KAZN: variants seen among roughly 807,000 people sequenced by gnomAD.
KAZN encodes the protein kazrin.
KAZN carries 40 observed loss-of-function variants against 87.4 expected under a neutral mutation model. That is an observed-to-expected ratio of 0.46 (90% confidence interval 0.36 to 0.60). The LOEUF (loss-of-function observed/expected upper bound fraction) is 0.60, where lower values mean the gene tolerates loss of function less well. KAZN is among the 20% of genes least tolerant of loss of function. The probability of loss-of-function intolerance (pLI) is 0.00; values close to 1 mark genes in which losing one functional copy is unlikely to be tolerated. For missense variants in KAZN, 898 were observed against 1,073.9 expected, an observed-to-expected ratio of 0.84 and a Z score of 2.29; for synonymous variants, 466 against 458.3, an observed-to-expected ratio of 1.02 and a Z score of -0.22.
chr1:14,652,369 T>C (rs2148696717), intron 1 of KAZN, among the ~76,000 whole-genome samples: 1 of 150,450 alleles, frequency 6.6e-6, no homozygotes, highest in Non-Finnish European at 1.5e-5. Flanking sequence ...CAGCTTGGAA[T>C]TTTTTCTACC....
At chr1:14,928,235 G>A (rs1238322177) in intron 1 of KAZN, among the ~76,000 whole-genome samples, 1 of 152,066 alleles carries the variant, frequency 6.6e-6, no homozygotes, top group East Asian at 1.9e-4. Context: ...CGGATCACGA[G>A]GTCAGGAGAT....
intron 1 of KAZN, among the ~76,000 whole-genome samples, chr1:14,728,993 G>A (rs930430980): frequency 1.3e-5 from 2 of 152,170 alleles, no homozygotes; most frequent in East Asian, 1.9e-4. Flanking sequence ...CTTAGGTGAC[G>A]ATTGGGAAGC....
chr1:14,585,827 A>G (rs1488350597), intron 2 of KAZN, among the ~76,000 whole-genome samples: 1 of 152,210 alleles, frequency 6.6e-6, no homozygotes, highest in Admixed American at 6.5e-5. Flanking sequence ...GATGTCAGCT[A>G]AAGTGTCACA....
intron 1 of KAZN, among the ~76,000 whole-genome samples, chr1:14,637,804 A>G (rs1191147339): frequency 6.6e-6 from 1 of 152,192 alleles, no homozygotes; most frequent in Non-Finnish European, 1.5e-5. Context: ...TTATCATTTT[A>G]TCAGTTTCTG....
chr1:14,885,482 G>C (rs181542311), intron 1 of KAZN, among the ~76,000 whole-genome samples: 1 of 152,294 alleles, frequency 6.6e-6, no homozygotes, highest in East Asian at 1.9e-4. Context: ...TGTAGACTCT[G>C]ACACTGCACC....
chr1:14,845,520 T>A, intron 1 of KAZN, among the ~76,000 whole-genome samples: 1 of 150,198 alleles, frequency 6.7e-6, no homozygotes, highest in African/African-American at 2.5e-5. Flanking sequence ...AGTGGATGGA[T>A]GAATGGGTAA....
At chr1:13,912,728 C>T (rs74853417) in intron 1 of KAZN, among the ~76,000 whole-genome samples, 28,996 of 151,924 alleles carry the variant, frequency 0.19, 3,268 homozygotes, top group Non-Finnish European at 0.26. Flanking sequence ...CTCAGCCTCC[C>T]CAGTAGCTGG....
intron 2 of KAZN, among the ~76,000 whole-genome samples, chr1:14,222,573 G>A (rs1028089750): frequency 6.6e-6 from 1 of 152,136 alleles, no homozygotes; most frequent in Non-Finnish European, 1.5e-5. Flanking sequence ...AACATTTTTA[G>A]AAACTTCCAG....
chr1:15,066,213 A>T lies in KAZN; in HGVS notation c.1222+460A>T. Reference sequence around the variant, plus strand: ...TTTATGAAACTTGAAAACTTGAAGGACTGCTGTGTATTTGTAAATAACAAA... The same window carrying T: ...TTTATGAAACTTGAAAACTTGAAGGTCTGCTGTGTATTTGTAAATAACAAA... On this transcript the variant is annotated intron_variant, in intron 8 of 14. Coordinates refer to ENST00000376030, the MANE Select transcript of KAZN (RefSeq NM_201628.3). This position sits in a 1 kb window ranked among gnomAD's most constrained non-coding sequence, Gnocchi z 4.3. 1.0e-6 allele frequency: 1 copy of T among 991,246 alleles called. No individual in the cohort carries two copies. Among genetic ancestry groups the T allele is most frequent in the Non-Finnish European group, 1.2e-6 (1 of 834,298 alleles). 61.4% of individuals were successfully genotyped at this position (991,246 alleles called of 1,614,324 possible).
At chr1:15,112,773 A>C in intron 14 of KAZN, 1 of 463,976 alleles carries the variant, frequency 2.2e-6, no homozygotes, top group Non-Finnish European at 4.0e-6. Context: ...TGGATCTCAA[A>C]GTGCAGGTCT....
chr1:14,887,816 C>G (rs1654254098), intron 1 of KAZN, among the ~76,000 whole-genome samples: 1 of 152,110 alleles, frequency 6.6e-6, no homozygotes, highest in Non-Finnish European at 1.5e-5. Context: ...CCTTCTTTCT[C>G]TGTCTCCATA....
chr1:14,993,703 G>A (rs1375747135), intron 2 of KAZN, among the ~76,000 whole-genome samples: 1 of 152,166 alleles, frequency 6.6e-6, no homozygotes, highest in Non-Finnish European at 1.5e-5. Context: ...AAAAGAACTG[G>A]GCACTTCTGA....
intron 1 of KAZN, among the ~76,000 whole-genome samples, chr1:14,932,105 T>C (rs1659896044): frequency 6.6e-6 from 1 of 152,156 alleles, no homozygotes; most frequent in South Asian, 2.1e-4. Context: ...CCTGAATTCC[T>C]GGCTCCTTGA....
intron 2 of KAZN, among the ~76,000 whole-genome samples, chr1:14,988,794 G>A (rs555686015): frequency 5.1e-4 from 78 of 152,240 alleles, no homozygotes; most frequent in African/African-American, 1.8e-3. Flanking sequence ...GAATTGTGTC[G>A]GGTCATGGAG....
chr1:14,287,169 C>T (rs1172989167), intron 2 of KAZN, among the ~76,000 whole-genome samples: 2 of 152,178 alleles, frequency 1.3e-5, no homozygotes, highest in Non-Finnish European at 2.9e-5. Flanking sequence ...CTTTTAGAGA[C>T]ATTTAGTTCC....
At chr1:14,924,630 C>G (rs1027125300) in intron 1 of KAZN, 28 of 942,352 alleles carry the variant, frequency 3.0e-5, no homozygotes, top group Non-Finnish European at 3.6e-5. Flanking sequence ...CAGGAGCCGC[C>G]GGGGCCGGGC....
chr1:14,247,282 G>A (rs1179736723), intron 2 of KAZN, among the ~76,000 whole-genome samples: 1 of 152,094 alleles, frequency 6.6e-6, no homozygotes, highest in Non-Finnish European at 1.5e-5. Context: ...TAAAAATCAA[G>A]GTAATTTTAA....
At chr1:14,215,974 A>C in intron 2 of KAZN, among the ~76,000 whole-genome samples, 1 of 152,238 alleles carries the variant, frequency 6.6e-6, no homozygotes, top group East Asian at 1.9e-4. Flanking sequence ...CTATATCAAT[A>C]ACATACAAAA....
chr1:14,845,361 G>GTGGATGGA (rs59955064), intron 1 of KAZN, among the ~76,000 whole-genome samples: 1,560 of 147,312 alleles, frequency 0.011, 11 homozygotes, highest in Middle Eastern at 0.028. Context: ...GGATGGATGA[G>GTGGATGGA]TGGATGGATG....
Sources: allele counts gnomAD v4.1 joint callset (sites outside exome capture counted in the v4.1 genomes callset), GRCh38; gene constraint gnomAD v4.1.1; non-coding constraint Gnocchi (gnomAD v3.1); transcripts MANE v1.5; gene names NCBI Gene and HGNC (gene_info 2026-07-23, HGNC 2026-07-21).